The following COL21A1 variants were observed in gnomAD, a reference collection of about 807,000 sequenced individuals.
COL21A1 encodes collagen type XXI alpha 1 chain.
COL21A1 carries 149 observed loss-of-function variants against 137.9 expected under a neutral mutation model. The observed-to-expected ratio is 1.08, with a 90% CI of 0.95 to 1.24. COL21A1 has a LOEUF of 1.24. Among genes scored for constraint, COL21A1 ranks in the 50% most tolerant of loss-of-function variants. The pLI is 0.00. For missense variants in COL21A1, 1,167 were observed against 1,158.4 expected (o/e 1.01, Z -0.11); for synonymous variants, 456 against 391.5 (o/e 1.16, Z -1.95).
chr6:56,058,531 A>T (rs1765525836), intron 29 of COL21A1, among the ~76,000 whole-genome samples: 1 of 152,164 alleles, frequency 6.6e-6, no homozygotes. Context: ...CCCTGCTACT[A>T]CTACTAATAA....
chr6:56,185,426 C>CTTTTTTTTTTT (rs777045553), intron 1 of COL21A1, among the ~76,000 whole-genome samples: 13 of 100,154 alleles, frequency 1.3e-4, no homozygotes, highest in Non-Finnish European at 2.0e-4. Flanking sequence ...AATGAACAGT[C>CTTTTTTTTTTT]TTTTTTTTTT....
intron 24 of COL21A1, among the ~76,000 whole-genome samples, chr6:56,063,356 G>A (rs547685355): frequency 2.0e-5 from 3 of 152,216 alleles, no homozygotes; most frequent in Non-Finnish European, 2.9e-5. Flanking sequence ...GGGCTGTAGA[G>A]GTTAAATGAA....
intron 1 of COL21A1, among the ~76,000 whole-genome samples, chr6:56,203,953 C>T (rs1471412354): frequency 6.6e-6 from 1 of 152,180 alleles, no homozygotes; most frequent in Admixed American, 6.5e-5. Context: ...CTGCACTTTT[C>T]CCATGGTCTT....
intron 1 of COL21A1, among the ~76,000 whole-genome samples, chr6:56,189,801 T>C (rs1778539801): frequency 1.3e-5 from 2 of 151,914 alleles, no homozygotes; most frequent in Admixed American, 1.3e-4. Flanking sequence ...CAGAAGAGAG[T>C]GGGGGCCAAT....
intron 1 of COL21A1, among the ~76,000 whole-genome samples, chr6:56,318,942 AC>A (rs1464906134): frequency 2.0e-5 from 3 of 151,702 alleles, no homozygotes; most frequent in African/African-American, 7.3e-5. Flanking sequence ...ACACACACAC[AC>A]ACACTCTTAA....
At chr6:56,106,859 T>C (rs1770961620) in intron 16 of COL21A1, among the ~76,000 whole-genome samples, 2 of 152,000 alleles carry the variant, frequency 1.3e-5, no homozygotes, top group South Asian at 4.1e-4. Flanking sequence ...CCATCTCGGC[T>C]CACTGCAAGC....
At chr6:56,385,140 T>G (rs1472530851) in intron 1 of COL21A1, among the ~76,000 whole-genome samples, 2 of 152,204 alleles carry the variant, frequency 1.3e-5, no homozygotes, top group Admixed American at 1.3e-4. Context: ...TTAGTAGGGA[T>G]CAAATCTGAG....
intron 1 of COL21A1, among the ~76,000 whole-genome samples, chr6:56,316,887 G>T (rs1336545594): frequency 6.6e-6 from 1 of 152,222 alleles, no homozygotes; most frequent in Middle Eastern, 3.4e-3. Context: ...CTGGGTTAGG[G>T]TGTACAAAAT....
intron 1 of COL21A1, among the ~76,000 whole-genome samples, chr6:56,361,891 A>C (rs748229693): frequency 6.6e-6 from 1 of 152,184 alleles, no homozygotes; most frequent in Non-Finnish European, 1.5e-5. Flanking sequence ...CAAAGTGTCC[A>C]TGGTTCATCC....
chr6:56,272,146 C>T (rs1039119666), intron 1 of COL21A1, among the ~76,000 whole-genome samples: 6 of 152,314 alleles, frequency 3.9e-5, no homozygotes, highest in East Asian at 1.9e-4. Context: ...ACAGCTTGCA[C>T]CAAGCATCTG....
chr6:56,197,414 A>G (rs1410060093), intron 1 of COL21A1, among the ~76,000 whole-genome samples: 1 of 152,148 alleles, frequency 6.6e-6, no homozygotes, highest in African/African-American at 2.4e-5. Flanking sequence ...TTGATGAAAT[A>G]AAAAGGTAAT....
At chr6:56,245,754 A>T (rs1253719152) in intron 1 of COL21A1, among the ~76,000 whole-genome samples, 2 of 152,222 alleles carry the variant, frequency 1.3e-5, no homozygotes, top group Non-Finnish European at 2.9e-5. Context: ...GCCTCAGACC[A>T]AAGTTCCTGT....
intron 1 of COL21A1, among the ~76,000 whole-genome samples, chr6:56,326,145 TATC>T: frequency 7.4e-6 from 1 of 135,296 alleles, no homozygotes; most frequent in Non-Finnish European, 1.6e-5. Context: ...TCTAATTTAA[TATC>T]ATATTTGATT....
intron 1 of COL21A1, among the ~76,000 whole-genome samples, chr6:56,358,882 GT>G (rs1765899308): frequency 6.6e-6 from 1 of 152,062 alleles, no homozygotes; most frequent in East Asian, 1.9e-4. Flanking sequence ...ATGTGTAGAA[GT>G]TTTGTCTTAT....
intron 1 of COL21A1, among the ~76,000 whole-genome samples, chr6:56,193,187 G>A (rs1778808098): frequency 6.6e-6 from 1 of 152,086 alleles, no homozygotes; most frequent in Non-Finnish European, 1.5e-5. Context: ...CCTAGGGATA[G>A]CATTAGGAGA....
At chr6:56,132,652 A>T (rs757468021) in intron 12 of COL21A1, among the ~76,000 whole-genome samples, 1 of 152,236 alleles carries the variant, frequency 6.6e-6, no homozygotes, top group Non-Finnish European at 1.5e-5. Context: ...TTCATAAAAT[A>T]AGAATGCTGG....
intron 1 of COL21A1, among the ~76,000 whole-genome samples, chr6:56,233,378 C>T (rs1485520498): frequency 4.0e-5 from 6 of 151,608 alleles, no homozygotes; most frequent in Admixed American, 6.6e-5. Flanking sequence ...GCCATAGAAA[C>T]AGTTAATAAC....
chr6:56,260,661 A>AG (rs1159242416), intron 1 of COL21A1, among the ~76,000 whole-genome samples: 5 of 116,064 alleles, frequency 4.3e-5, no homozygotes, highest in Non-Finnish European at 7.8e-5. Flanking sequence ...GGAAGGAATG[A>AG]AGGAAGGAAG....
At chr6:56,357,318 T>C (rs1439326918) in intron 1 of COL21A1, among the ~76,000 whole-genome samples, 1 of 152,202 alleles carries the variant, frequency 6.6e-6, no homozygotes, top group Non-Finnish European at 1.5e-5. Context: ...AATGGAAGTG[T>C]ATCTTACAAT....
Sources: allele counts gnomAD v4.1 joint callset (sites outside exome capture counted in the v4.1 genomes callset), GRCh38; gene constraint gnomAD v4.1.1; transcripts MANE v1.5; gene names NCBI Gene and HGNC (gene_info 2026-07-23, HGNC 2026-07-21).